FTO: variants seen among roughly 807,000 people sequenced by gnomAD.
FTO encodes alpha-ketoglutarate-dependent dioxygenase FTO.
A neutral mutation model predicts 63.9 loss-of-function variants in FTO; 47 were observed. That is an observed-to-expected ratio of 0.74 (90% confidence interval 0.58 to 0.94). The LOEUF (loss-of-function observed/expected upper bound fraction) is 0.94. FTO is among the 40% of genes least tolerant of loss of function. The pLI, the probability that FTO is intolerant of heterozygous loss-of-function variation, is 0.00. For synonymous variants in FTO, 207 were observed against 224.4 expected (o/e 0.92, Z 0.69); for missense variants, 562 against 618.1 (o/e 0.91, Z 0.96).
chr16:54,105,421 C>A (rs1456709917), intron 8 of FTO, among the ~76,000 whole-genome samples: 3 of 152,086 alleles, frequency 2.0e-5, no homozygotes, highest in Non-Finnish European at 4.4e-5. Flanking sequence ...AATGGAAATC[C>A]ATGAAAAAGA....
chr16:53,928,191 A>G (rs1235851859), intron 7 of FTO, among the ~76,000 whole-genome samples: 1 of 152,182 alleles, frequency 6.6e-6, no homozygotes, highest in African/African-American at 2.4e-5. Flanking sequence ...CTGCATTTCC[A>G]TAGATTTCTA....
intron 4 of FTO, among the ~76,000 whole-genome samples, chr16:53,856,050 A>G (rs1362249584): frequency 6.6e-6 from 1 of 152,052 alleles, no homozygotes; most frequent in Non-Finnish European, 1.5e-5. Context: ...CTCTTTGGCC[A>G]CCTGTCTATT....
At chr16:53,761,275 T>C (rs2077062686) in intron 1 of FTO, among the ~76,000 whole-genome samples, 2 of 151,042 alleles carry the variant, frequency 1.3e-5, no homozygotes, top group South Asian at 4.2e-4. Flanking sequence ...TTTTTTTTTT[T>C]CAGTTTTGTA....
intron 1 of FTO, among the ~76,000 whole-genome samples, chr16:53,743,305 G>C (rs1004856569): frequency 6.6e-6 from 1 of 152,022 alleles, no homozygotes; most frequent in Admixed American, 6.6e-5. Flanking sequence ...CCCAGTCGAT[G>C]GTTGTGGCTT....
intron 6 of FTO, among the ~76,000 whole-genome samples, 166 bp downstream of exon 6, chr16:53,880,153 C>T (rs1294516399): frequency 6.6e-6 from 1 of 152,084 alleles, no homozygotes; most frequent in South Asian, 2.1e-4. Flanking sequence ...TGCGCCACCA[C>T]TCCTGGCTGA....
At chr16:53,937,354 C>T (rs1033467749) in intron 8 of FTO, 2 of 398,212 alleles carry the variant, frequency 5.0e-6, no homozygotes, top group East Asian at 3.6e-5. Context: ...TATCCAGTCC[C>T]CTCTGCCTGA....
chr16:53,823,181 A>G (rs1175683611), intron 2 of FTO, among the ~76,000 whole-genome samples: 2 of 152,156 alleles, frequency 1.3e-5, no homozygotes, highest in Non-Finnish European at 2.9e-5. Context: ...TCATGCTGCC[A>G]AATCTACTGG....
intron 1 of FTO, among the ~76,000 whole-genome samples, chr16:53,788,602 CA>C (rs530568312): frequency 3.1e-3 from 312 of 100,202 alleles, no homozygotes; most frequent in East Asian, 0.02. Flanking sequence ...GACTCTGTCT[CA>C]AAAAAAAAAA....
At chr16:53,730,060 A>G (rs1323666368) in intron 1 of FTO, among the ~76,000 whole-genome samples, 3 of 152,262 alleles carry the variant, frequency 2.0e-5, no homozygotes. Flanking sequence ...ATTTAGGGAT[A>G]GATTTATCAT....
intron 1 of FTO, among the ~76,000 whole-genome samples, chr16:53,704,527 CG>C (rs1289297479): frequency 7.2e-5 from 11 of 152,142 alleles, no homozygotes; most frequent in African/African-American, 2.7e-4. Flanking sequence ...CTCAGTTTAC[CG>C]GATTCTCAGA....
At chr16:53,753,974 C>T (rs528597282) in intron 1 of FTO, among the ~76,000 whole-genome samples, 1 of 152,320 alleles carries the variant, frequency 6.6e-6, no homozygotes, top group South Asian at 2.1e-4. Context: ...TTGCTTTATA[C>T]AATTGACGTC....
chr16:54,049,987 T>C (rs1187953520), intron 8 of FTO, among the ~76,000 whole-genome samples: 1 of 152,214 alleles, frequency 6.6e-6, no homozygotes, highest in African/African-American at 2.4e-5. Flanking sequence ...GAATGCCTCA[T>C]GTCACAGGAT....
intron 6 of FTO, among the ~76,000 whole-genome samples, chr16:53,883,695 G>A (rs1328268364): frequency 1.4e-5 from 2 of 147,760 alleles, no homozygotes; most frequent in African/African-American, 5.0e-5. Context: ...TTGATATTAT[G>A]TGTTAGGGAG....
At chr16:53,951,816 T>G (rs1406695821) in intron 8 of FTO, among the ~76,000 whole-genome samples, 1 of 150,700 alleles carries the variant, frequency 6.6e-6, no homozygotes, top group East Asian at 1.9e-4. Context: ...TCAATCTTGT[T>G]TTTTTTTTTA....
At chr16:53,899,193 C>G (rs1186644983) in intron 7 of FTO, among the ~76,000 whole-genome samples, 1 of 151,400 alleles carries the variant, frequency 6.6e-6, no homozygotes, top group African/African-American at 2.4e-5. Context: ...GAAGATTGAG[C>G]AATCACAGGC....
At chr16:54,088,961 C>T (rs1393780613) in intron 8 of FTO, among the ~76,000 whole-genome samples, 1 of 152,194 alleles carries the variant, frequency 6.6e-6, no homozygotes, top group Non-Finnish European at 1.5e-5. Context: ...ATCCTTCAGT[C>T]CAATATAAAT....
chr16:53,715,291 GTTATGCTGGTGTT>G (rs1005946543), intron 1 of FTO, among the ~76,000 whole-genome samples: 4 of 152,250 alleles, frequency 2.6e-5, no homozygotes, highest in African/African-American at 9.6e-5. Context: ...GTCTTGCTGA[GTTATGCTGGTGTT>G]TTATGTTCCT....
intron 1 of FTO, among the ~76,000 whole-genome samples, chr16:53,792,335 G>T (rs553998918): frequency 6.6e-6 from 1 of 152,258 alleles, no homozygotes; most frequent in Admixed American, 6.5e-5. Flanking sequence ...GTCATATCTT[G>T]TATAATTCAG....
At chr16:53,854,493 A>G (rs184878268) in intron 4 of FTO, among the ~76,000 whole-genome samples, 1 of 152,294 alleles carries the variant, frequency 6.6e-6, no homozygotes, top group East Asian at 1.9e-4. Flanking sequence ...ACAGGGATCC[A>G]GTTTCATTCT....
Sources: gnomAD v4.1 joint callset for allele counts (sites outside exome capture counted in the v4.1 genomes callset) on GRCh38, gnomAD v4.1.1 for gene constraint, MANE v1.5 for transcripts, NCBI Gene and HGNC (gene_info 2026-07-23, HGNC 2026-07-21) for gene names.